Variants in CRB1 observed in about 807,000 individuals in gnomAD.
CRB1 encodes protein crumbs homolog 1.
CRB1 carries 83 observed loss-of-function variants against 120.0 expected under a neutral mutation model. The ratio of observed to expected loss-of-function variants is 0.69; its 90% CI spans 0.58 to 0.83. CRB1 has a LOEUF of 0.83. CRB1 is among the 40% of genes least tolerant of loss of function. CRB1 has a pLI of 0.00. For synonymous variants in CRB1, 625 were observed against 612.5 expected, an observed-to-expected ratio of 1.02 and a Z score of -0.30; for missense variants, 1,699 against 1,687.6, an observed-to-expected ratio of 1.01 and a Z score of -0.12.
chr1:197,229,081 G>A, the CRB1 span, among the ~76,000 whole-genome samples: 1 of 152,076 alleles, frequency 6.6e-6, no homozygotes, highest in Non-Finnish European at 1.5e-5. Context: ...AGACACAGAG[G>A]CAAACCGTAT....
chr1:197,363,331 T>TA (rs1660880883), intron 5 of CRB1, among the ~76,000 whole-genome samples: 1 of 152,124 alleles, frequency 6.6e-6, no homozygotes. Flanking sequence ...CTTTTTTTTT[T>TA]TAAATCATTT....
intron 4 of CRB1, among the ~76,000 whole-genome samples, chr1:197,351,159 T>C (rs1416585064): frequency 9.0e-5 from 11 of 122,574 alleles, no homozygotes; most frequent in African/African-American, 3.6e-4. Flanking sequence ...CTGGCCAACA[T>C]GGTGAAACCC....
At chr1:197,427,065 C>A (rs1265625577) in intron 6 of CRB1, among the ~76,000 whole-genome samples, 1 of 152,152 alleles carries the variant, frequency 6.6e-6, no homozygotes, top group Non-Finnish European at 1.5e-5. Flanking sequence ...GTGCCCTTGT[C>A]CAAAAATTTC....
chr1:197,267,504 T>C (rs1341690381), upstream of CRB1, among the ~76,000 whole-genome samples: 1 of 152,168 alleles, frequency 6.6e-6, no homozygotes, highest in Admixed American at 6.5e-5. Flanking sequence ...GAAATTGCAT[T>C]TTAAAGTGTA....
chr1:197,344,271 T>G lies in CRB1; in HGVS notation c.653-10T>G, dbSNP rs1306679553. 5 of 1,614,096 alleles carry G rather than the reference T, an allele frequency of 3.1e-6. No homozygotes were observed. Among genetic ancestry groups the G allele is most frequent in the Non-Finnish European group, 4.2e-6 (5 of 1,179,932 alleles). ...TTTTTCTGTTTTTTCTGTGCTGACT[T>G]TTTTAAAAGGTGTAAACTGTGAATT... On this transcript the variant is annotated splice_polypyrimidine_tract_variant and intron_variant, in intron 2 of 11. Transcript: ENST00000367400.
the CRB1 span, among the ~76,000 whole-genome samples, chr1:197,255,284 A>G: frequency 2.0e-5 from 3 of 152,062 alleles, no homozygotes; most frequent in Non-Finnish European, 4.4e-5. Context: ...ACTCATTTGA[A>G]TGGTATTTTC....
At chr1:197,209,935 G>A in the CRB1 span, among the ~76,000 whole-genome samples, 1 of 152,148 alleles carries the variant, frequency 6.6e-6, no homozygotes, top group Non-Finnish European at 1.5e-5. Flanking sequence ...TTTTTCCACT[G>A]TATCCCAGGG....
At chr1:197,201,878 A>G in the CRB1 span, among the ~76,000 whole-genome samples, 1 of 152,080 alleles carries the variant, frequency 6.6e-6, no homozygotes, top group Non-Finnish European at 1.5e-5. Context: ...GTACACAGAA[A>G]AAAAATAGAA....
At chr1:197,324,397 G>A (rs1368221531) in intron 1 of CRB1, among the ~76,000 whole-genome samples, 1 of 152,012 alleles carries the variant, frequency 6.6e-6, no homozygotes, top group Non-Finnish European at 1.5e-5. Context: ...ATGTACTTTG[G>A]ACCCTGCATT....
intron 2 of CRB1, among the ~76,000 whole-genome samples, chr1:197,339,503 T>C (rs771687649): frequency 2.6e-5 from 4 of 152,208 alleles, no homozygotes; most frequent in Non-Finnish European, 5.9e-5. Flanking sequence ...TGAATGGAAT[T>C]TGAAATTTAA....
intron 1 of CRB1, among the ~76,000 whole-genome samples, chr1:197,311,193 A>C (rs1189133891): frequency 6.6e-6 from 1 of 152,228 alleles, no homozygotes; most frequent in African/African-American, 2.4e-5. Context: ...ATGCAATGGG[A>C]TATTATTCAA....
chr1:197,477,456 T>G (rs1171434777), intron 11 of CRB1: 3 of 672,140 alleles, frequency 4.5e-6, no homozygotes, highest in Non-Finnish European at 8.3e-6. Context: ...ATTTTCTGAC[T>G]GTAGACTTTA....
intron 11 of CRB1, among the ~76,000 whole-genome samples, chr1:197,467,167 T>C (rs1426933497): frequency 6.6e-6 from 1 of 152,210 alleles, no homozygotes; most frequent in Non-Finnish European, 1.5e-5. Flanking sequence ...ATAAAAATTG[T>C]TTGTTAAATT....
At chr1:197,223,315 A>G in the CRB1 span, 3 of 649,866 alleles carry the variant, frequency 4.6e-6, no homozygotes, top group South Asian at 3.4e-5. Flanking sequence ...GTTAAAATAT[A>G]TCATACATTG....
At chr1:197,393,269 A>C (rs771022158) in intron 5 of CRB1, among the ~76,000 whole-genome samples, 30 of 152,140 alleles carry the variant, frequency 2.0e-4, no homozygotes, top group Non-Finnish European at 3.7e-4. Flanking sequence ...AGTCATGGAA[A>C]CTAATATAAA....
chr1:197,336,238 A>AT (rs1486055372), intron 2 of CRB1, among the ~76,000 whole-genome samples: 1 of 152,250 alleles, frequency 6.6e-6, no homozygotes, highest in African/African-American at 2.4e-5. Context: ...ACAGTGGCAC[A>AT]TATCAAAGAC....
chr1:197,398,478 T>A (rs1317014443), intron 5 of CRB1, among the ~76,000 whole-genome samples: 1 of 152,094 alleles, frequency 6.6e-6, no homozygotes, highest in African/African-American at 2.4e-5. Flanking sequence ...GGAGAAGTGA[T>A]GGATATCCAA....
At chr1:197,380,122 C>A (rs1230726153) in intron 5 of CRB1, among the ~76,000 whole-genome samples, 2 of 152,164 alleles carry the variant, frequency 1.3e-5, no homozygotes, top group Admixed American at 6.5e-5. Context: ...CTCGGTTCTG[C>A]AGAGCCCAAG....
the CRB1 span, among the ~76,000 whole-genome samples, chr1:197,237,479 C>A: frequency 4.3e-4 from 66 of 152,220 alleles, no homozygotes; most frequent in Non-Finnish European, 7.5e-4. Flanking sequence ...AAGGGCCCCA[C>A]CTCTTAATAT....
Sources: allele counts gnomAD v4.1 joint callset (sites outside exome capture counted in the v4.1 genomes callset), GRCh38; gene constraint gnomAD v4.1.1; transcripts MANE v1.5; gene names NCBI Gene and HGNC (gene_info 2026-07-23, HGNC 2026-07-21).